GLIS3: variants seen among roughly 807,000 people sequenced by gnomAD.
The protein encoded by GLIS3 is zinc finger protein GLIS3.
GLIS3 carries 53 observed loss-of-function variants against 78.6 expected under a neutral mutation model. That is an observed-to-expected ratio of 0.67 (90% CI 0.54 to 0.85). The LOEUF (loss-of-function observed/expected upper bound fraction) is 0.85. Among genes scored for constraint, GLIS3 ranks in the 40% least tolerant of loss-of-function variants. GLIS3 has a pLI of 0.00. For missense variants in GLIS3, 1,703 were observed against 1,231.1 expected (o/e 1.38, Z -5.74); for synonymous variants, 684 against 509.9 (o/e 1.34, Z -4.60).
chr9:4,015,101 G>A (rs879221991), intron 4 of GLIS3, among the ~76,000 whole-genome samples: 1 of 152,230 alleles, frequency 6.6e-6, no homozygotes, highest in Non-Finnish European at 1.5e-5. Context: ...AAGAGCACAT[G>A]TGGATTTGAC....
At chr9:4,126,054 T>A in intron 2 of GLIS3, 113 bp from the exon 3 acceptor site, 2 of 314,716 alleles carry the variant, frequency 6.4e-6, no homozygotes, top group Non-Finnish European at 5.6e-6. Flanking sequence ...CCTCAGATCA[T>A]TTTTTTTTTT....
At chr9:4,196,788 C>A (rs1015755684) in intron 2 of GLIS3, among the ~76,000 whole-genome samples, 1 of 152,206 alleles carries the variant, frequency 6.6e-6, no homozygotes, top group African/African-American at 2.4e-5. Context: ...AAGAACCCCC[C>A]AATTTCGGAC....
chr9:3,914,799 C>T (rs1056893733), intron 6 of GLIS3, among the ~76,000 whole-genome samples: 1 of 152,126 alleles, frequency 6.6e-6, no homozygotes, highest in South Asian at 2.1e-4. Flanking sequence ...ATCTTCTGAC[C>T]ACGGATTGAG....
chr9:4,212,614 A>C (rs1025972400), intron 2 of GLIS3, among the ~76,000 whole-genome samples: 2 of 152,212 alleles, frequency 1.3e-5, no homozygotes, highest in African/African-American at 4.8e-5. Flanking sequence ...AAATTCCTGA[A>C]AAACTAACTT....
chr9:4,392,458 A>T, the GLIS3 span, among the ~76,000 whole-genome samples: 1 of 152,170 alleles, frequency 6.6e-6, no homozygotes, highest in Non-Finnish European at 1.5e-5. Context: ...TTAGGGATGC[A>T]CTAGTCTAGG....
At chr9:4,478,183 C>T in the GLIS3 span, among the ~76,000 whole-genome samples, 1 of 152,044 alleles carries the variant, frequency 6.6e-6, no homozygotes, top group Non-Finnish European at 1.5e-5. Context: ...AACACGGATG[C>T]CAGAATGAAG....
intron 2 of GLIS3, among the ~76,000 whole-genome samples, chr9:4,319,720 G>C (rs893657697): frequency 6.6e-6 from 1 of 152,098 alleles, no homozygotes; most frequent in Non-Finnish European, 1.5e-5. Context: ...GGTAGAGACA[G>C]GGTCTCACTA....
intron 2 of GLIS3, among the ~76,000 whole-genome samples, chr9:4,128,174 T>C (rs979350299): frequency 2.6e-5 from 4 of 152,202 alleles, no homozygotes; most frequent in African/African-American, 4.8e-5. Context: ...TACCCTAACT[T>C]ATCCACCTAG....
At chr9:4,159,348 C>T (rs5027089) in intron 2 of GLIS3, among the ~76,000 whole-genome samples, 72,706 of 152,094 alleles carry the variant, frequency 0.48, 18,415 homozygotes, top group African/African-American at 0.64. Flanking sequence ...TCATGTTCTA[C>T]CCTTTCTATG....
intron 4 of GLIS3, among the ~76,000 whole-genome samples, chr9:4,021,158 C>CATGTATATGTATATGTAT (rs58891006): frequency 6.6e-6 from 1 of 150,470 alleles, no homozygotes; most frequent in Non-Finnish European, 1.5e-5. Context: ...AATATCTGTA[C>CATGTATATGTATATGTAT]ATGTATATGT....
chr9:4,354,989 G>T, the GLIS3 span, among the ~76,000 whole-genome samples: 1 of 151,994 alleles, frequency 6.6e-6, no homozygotes, highest in Non-Finnish European at 1.5e-5. Flanking sequence ...GGTGGCGGGT[G>T]CCTGTAGTCC....
the GLIS3 span, among the ~76,000 whole-genome samples, chr9:4,458,904 G>A: frequency 6.6e-6 from 1 of 152,172 alleles, no homozygotes; most frequent in Non-Finnish European, 1.5e-5. Context: ...GACAAGCAAG[G>A]GGACCACTGT....
chr9:4,387,403 C>T, the GLIS3 span, among the ~76,000 whole-genome samples: 46 of 152,134 alleles, frequency 3.0e-4, no homozygotes, highest in African/African-American at 9.2e-4. Flanking sequence ...TTTGGGTTTC[C>T]GATTTCAGCA....
intron 2 of GLIS3, 53 bp downstream of exon 2, chr9:4,285,985 G>C (rs772666472): frequency 2.5e-6 from 4 of 1,604,704 alleles, no homozygotes; most frequent in South Asian, 2.2e-5. Flanking sequence ...AAATGGGATG[G>C]GGGAGAAAAA....
intron 2 of GLIS3, among the ~76,000 whole-genome samples, chr9:4,262,872 C>G (rs1300540101): frequency 6.8e-6 from 1 of 147,060 alleles, no homozygotes; most frequent in East Asian, 2.0e-4. Context: ...AAACTATGAA[C>G]TACCTTAAGC....
intron 2 of GLIS3, among the ~76,000 whole-genome samples, chr9:4,258,629 A>G (rs1279314114): frequency 6.6e-6 from 1 of 152,220 alleles, no homozygotes. Context: ...CATCATCACC[A>G]AGGGGAACCA....
chr9:4,378,727 A>G, the GLIS3 span, among the ~76,000 whole-genome samples: 108,685 of 152,106 alleles, frequency 0.71, 38,943 homozygotes, highest in Admixed American at 0.74. Context: ...TGAGAAAGGC[A>G]CATATTATTT....
intron 2 of GLIS3, among the ~76,000 whole-genome samples, chr9:4,136,517 T>C (rs1833419537): frequency 6.6e-6 from 1 of 152,212 alleles, no homozygotes; most frequent in African/African-American, 2.4e-5. Context: ...ATGCATGTGA[T>C]AAATCTCCCA....
At chr9:4,412,457 G>C in the GLIS3 span, among the ~76,000 whole-genome samples, 5 of 152,088 alleles carry the variant, frequency 3.3e-5, no homozygotes, top group African/African-American at 1.2e-4. Context: ...TAAGACACAA[G>C]TGGTCTAGAA....
Sources: gnomAD v4.1 joint callset for allele counts (sites outside exome capture counted in the v4.1 genomes callset) on GRCh38, gnomAD v4.1.1 for gene constraint, MANE v1.5 for transcripts, NCBI Gene and HGNC (gene_info 2026-07-23, HGNC 2026-07-21) for gene names.